Variants in LGR4 observed in about 807,000 individuals in gnomAD.
The protein encoded by LGR4 is leucine-rich repeat-containing G protein-coupled receptor 4.
A neutral mutation model predicts 84.8 loss-of-function variants in LGR4; 44 were observed. That is an observed-to-expected ratio of 0.52 (90% CI 0.41 to 0.67). The LOEUF is 0.67. Among genes scored for constraint, LGR4 ranks in the 30% least tolerant of loss-of-function variants. The pLI, the probability that LGR4 is intolerant of heterozygous loss-of-function variation, is 0.00. For missense variants in LGR4, 1,032 were observed against 1,131.4 expected, an observed-to-expected ratio of 0.91 and a Z score of 1.26; for synonymous variants, 429 against 434.3, an observed-to-expected ratio of 0.99 and a Z score of 0.15.
At chr11:27,412,766 A>G (rs1185321274) in intron 2 of LGR4, 23 bp downstream of exon 2, 2 of 1,375,628 alleles carry the variant, frequency 1.5e-6, no homozygotes, top group Non-Finnish European at 1.0e-6. Context: ...ACATACACAC[A>G]CATTTCTCAA....
chr11:27,426,000 G>A (rs1254902707), intron 1 of LGR4, among the ~76,000 whole-genome samples: 1 of 152,170 alleles, frequency 6.6e-6, no homozygotes, highest in Admixed American at 6.5e-5. Flanking sequence ...CATAGCATCT[G>A]TTGAGTGAAT....
intron 1 of LGR4, among the ~76,000 whole-genome samples, chr11:27,426,447 G>A (rs766751273): frequency 6.6e-6 from 1 of 152,102 alleles, no homozygotes; most frequent in Non-Finnish European, 1.5e-5. Context: ...CCTATAAATA[G>A]TATCTCACAG....
chr11:27,472,083 T>TCCCCCCCCACGCGGGC, intron 1 of LGR4, 35 bp downstream of exon 1: 1 of 1,004,458 alleles, frequency 1.0e-6, no homozygotes, highest in Non-Finnish European at 1.2e-6. Context: ...CCCCGTTTCC[T>TCCCCCCCCACGCGGGC]CCCCCCCCCT....
chr11:27,466,635 A>G (rs938385862), intron 1 of LGR4, among the ~76,000 whole-genome samples: 1 of 152,230 alleles, frequency 6.6e-6, no homozygotes, highest in East Asian at 1.9e-4. Context: ...GTTACCTTAC[A>G]ATCCTAATGT....
intron 1 of LGR4, among the ~76,000 whole-genome samples, chr11:27,425,048 T>C (rs1863997362): frequency 6.6e-6 from 1 of 152,122 alleles, no homozygotes; most frequent in Non-Finnish European, 1.5e-5. Context: ...TGCCTGGCGA[T>C]AATATTAAGA....
intron 13 of LGR4, among the ~76,000 whole-genome samples, chr11:27,375,234 G>A (rs1432970193): frequency 6.7e-6 from 1 of 149,842 alleles, no homozygotes; most frequent in Admixed American, 6.7e-5. Context: ...GTTGGAGGAT[G>A]CAGTGAGCTG....
At chr11:27,467,289 G>A (rs189196663) in intron 1 of LGR4, among the ~76,000 whole-genome samples, 47 of 152,002 alleles carry the variant, frequency 3.1e-4, no homozygotes, top group African/African-American at 9.6e-4. Flanking sequence ...AAAATAAGGC[G>A]GGGCACGATG....
At chr11:27,377,497 C>T (rs966181036) in intron 11 of LGR4, among the ~76,000 whole-genome samples, 4 of 150,866 alleles carry the variant, frequency 2.7e-5, no homozygotes, top group Non-Finnish European at 4.4e-5. Context: ...ATATAAAGTA[C>T]ATAACATAAA....
At position 27,366,705 on chromosome 11, in the gene LGR4, A is replaced by C; in HGVS notation, c.*1162T>G. On this transcript the variant is annotated 3_prime_UTR_variant, in exon 18 of 18. Coordinates refer to ENST00000379214, the MANE Select transcript of LGR4 (RefSeq NM_018490.5). Reference sequence around the variant, plus strand: ...TTTTAAAGACACAGGACTAAGCTTTATTCTTTCTTCTTCTATTTTTATTAA... The same window carrying C: ...TTTTAAAGACACAGGACTAAGCTTTCTTCTTTCTTCTTCTATTTTTATTAA... The C allele has an allele frequency of 6.6e-6, 1 of 152,542 alleles. No individual in the cohort carries two copies. Among genetic ancestry groups the C allele is most frequent in the East Asian group, 1.9e-4 (1 of 5,200 alleles). The allele number at this position is 152,542 out of a possible 1,614,324, so 9.4% of individuals were successfully genotyped here.
At chr11:27,463,399 A>G (rs992247732) in intron 1 of LGR4, among the ~76,000 whole-genome samples, 3 of 152,226 alleles carry the variant, frequency 2.0e-5, no homozygotes, top group African/African-American at 7.2e-5. Flanking sequence ...ATCAAATGAG[A>G]TAAATAGCAG....
At chr11:27,383,411 T>C (rs891848136) in intron 6 of LGR4, among the ~76,000 whole-genome samples, 3 of 152,238 alleles carry the variant, frequency 2.0e-5, no homozygotes, top group Non-Finnish European at 4.4e-5. Context: ...AGGAAACCTA[T>C]TCAATCTTTT....
intron 1 of LGR4, among the ~76,000 whole-genome samples, chr11:27,435,330 C>G (rs1212674022): frequency 6.6e-6 from 1 of 151,400 alleles, no homozygotes; most frequent in Non-Finnish European, 1.5e-5. Context: ...GAGACTCTGT[C>G]TCAAAAAACA....
chr11:27,441,876 T>G (rs911194853), intron 1 of LGR4, among the ~76,000 whole-genome samples: 3 of 152,150 alleles, frequency 2.0e-5, no homozygotes, highest in African/African-American at 7.2e-5. Context: ...ATCATGAACT[T>G]GGCACCCAAT....
chr11:27,378,606 C>A (rs1863033362), intron 11 of LGR4, 91 bp downstream of exon 11: 1 of 937,774 alleles, frequency 1.1e-6, no homozygotes. Flanking sequence ...CTCAAAACCA[C>A]CTTATGAAAG....
At chr11:27,394,739 C>T (rs565063923) in intron 2 of LGR4, among the ~76,000 whole-genome samples, 1 of 152,218 alleles carries the variant, frequency 6.6e-6, no homozygotes, top group Admixed American at 6.5e-5. Flanking sequence ...CAATGCTGCT[C>T]CTCTTGAAAG....
At chr11:27,467,696 C>T (rs1442255316) in intron 1 of LGR4, among the ~76,000 whole-genome samples, 1 of 152,074 alleles carries the variant, frequency 6.6e-6, no homozygotes, top group African/African-American at 2.4e-5. Context: ...AAGAATATGA[C>T]TCATTCAAGG....
intron 1 of LGR4, among the ~76,000 whole-genome samples, chr11:27,470,947 A>G (rs542803866): frequency 6.6e-6 from 1 of 152,106 alleles, no homozygotes; most frequent in South Asian, 2.1e-4. Context: ...GTCCTTTAAA[A>G]CTGTCTATTT....
At chr11:27,448,407 C>T (rs1258330440) in intron 1 of LGR4, among the ~76,000 whole-genome samples, 3 of 151,976 alleles carry the variant, frequency 2.0e-5, no homozygotes, top group African/African-American at 7.3e-5. Flanking sequence ...ATTCTCCTGC[C>T]TCAGCCTCCT....
chr11:27,472,143 C>T lies in LGR4; in HGVS notation c.160G>A (p.Gly54Arg). 1 of 1,407,892 alleles carries T rather than the reference C, an allele frequency of 7.1e-7. No individual in the cohort carries two copies. The highest frequency in any genetic ancestry group is 9.2e-7 in the Non-Finnish European group (1 of 1,082,204). 87.2% of individuals were successfully genotyped at this position (1,407,892 alleles called of 1,614,324 possible). The stretch of plus-strand genomic sequence containing the variant: ...AGCGCTTGGGTGAAGGCGCTGAGCC[C>T]CTCGGGCACGGCCGTCAGCCCCTTC... ...SGKGLTAVPE[G>R]LSAFTQALDI... Residue 54 changes from glycine to arginine, a missense_variant, in exon 1 of 18, where the codon GGG becomes AGG. Physicochemically the swap from Gly to Arg is moderately radical, Grantham distance 125 (BLOSUM62 -2). Transcript: ENST00000379214.
Sources: allele counts gnomAD v4.1 joint callset (sites outside exome capture counted in the v4.1 genomes callset), GRCh38; gene constraint gnomAD v4.1.1; transcripts MANE v1.5; gene names NCBI Gene and HGNC (gene_info 2026-07-23, HGNC 2026-07-21).